AVL9: variants seen among roughly 807,000 people sequenced by gnomAD.
The protein encoded by AVL9 is late secretory pathway protein AVL9 homolog.
A neutral mutation model predicts 79.2 loss-of-function variants in AVL9; 49 were observed. The ratio of observed to expected loss-of-function variants is 0.62; its 90% CI spans 0.49 to 0.79. AVL9 has a LOEUF of 0.79. AVL9 is among the 30% of genes least tolerant of loss of function. AVL9 has a pLI of 0.00. For missense variants in AVL9, 682 were observed against 776.8 expected (o/e 0.88, Z 1.45); for synonymous variants, 299 against 280.6 (o/e 1.07, Z -0.65).
intron 3 of AVL9, among the ~76,000 whole-genome samples, chr7:32,546,166 G>T (rs776595140): frequency 2.4e-4 from 35 of 148,040 alleles, no homozygotes; most frequent in Non-Finnish European, 3.8e-4. Context: ...AGTTTTAAAA[G>T]CTTCCTCGGG....
chr7:32,571,006 G>C (rs1352509847), intron 11 of AVL9, among the ~76,000 whole-genome samples: 2 of 145,360 alleles, frequency 1.4e-5, no homozygotes, highest in Admixed American at 6.9e-5. Context: ...GAGGTGGGTA[G>C]ATCACCTGAG....
chr7:32,552,722 G>T (rs1340458959), intron 6 of AVL9, among the ~76,000 whole-genome samples: 1 of 151,778 alleles, frequency 6.6e-6, no homozygotes, highest in Non-Finnish European at 1.5e-5. Flanking sequence ...GGTATTTTTT[G>T]TTTGTTTGTT....
intron 1 of AVL9, among the ~76,000 whole-genome samples, chr7:32,514,840 C>T (rs192356758): frequency 0.011 from 1,649 of 152,298 alleles, 34 homozygotes; most frequent in African/African-American, 0.038. Context: ...CACTGACTCT[C>T]TTTTCGGACT....
intron 8 of AVL9, among the ~76,000 whole-genome samples, chr7:32,556,280 T>C (rs1481714289): frequency 1.3e-5 from 2 of 152,128 alleles, no homozygotes; most frequent in Non-Finnish European, 2.9e-5. Context: ...TTTGGGAGGC[T>C]AAGGTGGGTG....
chr7:32,502,699 A>T (rs546724613), intron 1 of AVL9, among the ~76,000 whole-genome samples: 1 of 152,212 alleles, frequency 6.6e-6, no homozygotes, highest in East Asian at 1.9e-4. Flanking sequence ...TGAAGTTTGT[A>T]TTAAAATGGA....
At chr7:32,509,552 A>G (rs1787563210) in intron 1 of AVL9, among the ~76,000 whole-genome samples, 1 of 152,142 alleles carries the variant, frequency 6.6e-6, no homozygotes, top group South Asian at 2.1e-4. Context: ...AACCAGTTCC[A>G]AAGGTAGAGG....
chr7:32,525,450 A>G (rs1788361031), intron 1 of AVL9, among the ~76,000 whole-genome samples: 1 of 152,254 alleles, frequency 6.6e-6, no homozygotes, highest in African/African-American at 2.4e-5. Context: ...CAGGCAAAGT[A>G]TAATAAGCTT....
rs3213974 is a variant in AVL9 at position 32,551,633 on chromosome 7, A to G, written c.462+210A>G. Among the ~76,000 whole-genome samples, 60,420 of 96,460 alleles carry G rather than the reference A, an allele frequency of 0.63. 15,702 individuals carry two copies. The highest frequency in any genetic ancestry group is 0.7 in the Admixed American group (6,899 of 9,854). 63.3% of individuals were successfully genotyped at this position (96,460 alleles called of 152,430 possible). On this transcript the variant is annotated intron_variant, in intron 5 of 15. Coordinates refer to ENST00000318709, the MANE Select transcript of AVL9 (RefSeq NM_015060.3). ...TTTTTTTTTTTTTTTTTAGGAAATA[A>G]TGACTACAAATAACTATAACTAACA...
chr7:32,496,057 T>C (rs1345064513), intron 1 of AVL9, among the ~76,000 whole-genome samples: 2 of 151,944 alleles, frequency 1.3e-5, no homozygotes, highest in Non-Finnish European at 2.9e-5. Context: ...GTGTAGGTTG[T>C]AGGTTTTTAA....
chr7:32,570,760 C>T (rs1488280526), intron 11 of AVL9, among the ~76,000 whole-genome samples: 2 of 151,218 alleles, frequency 1.3e-5, no homozygotes, highest in Admixed American at 1.3e-4. Context: ...GGTTGGATTA[C>T]AAGTGCCCGC....
rs531033609 is a variant in AVL9, at chr7:32,562,691, G to A, written c.1215+3227G>A. ...TCCCAGCACTTTGGGAGGCCGAGGT[G>A]GGGAGGATTGCTTGAAACCAGGATC... is the stretch of plus-strand genomic sequence containing the variant. On this transcript the variant is annotated intron_variant, in intron 10 of 15. Coordinates refer to ENST00000318709, the MANE Select transcript of AVL9 (RefSeq NM_015060.3). The A allele has an allele frequency of 3.5e-5, 29 of 831,576 alleles. No individual in the cohort carries two copies. In the South Asian group the frequency reaches 1.2e-3, roughly 35 times the overall value. 51.5% of individuals were successfully genotyped at this position (831,576 alleles called of 1,614,324 possible).
At chr7:32,511,134 G>A (rs1043901298) in intron 1 of AVL9, among the ~76,000 whole-genome samples, 13 of 134,664 alleles carry the variant, frequency 9.7e-5, no homozygotes, top group Admixed American at 3.0e-4. Flanking sequence ...TTTGTGAGCC[G>A]TCAGGTCTGG....
In AVL9 at chr7:32,570,060, ATCT is replaced by A. The variant is rs748718191; in HGVS notation, c.1260_1262del (p.Leu421del). 2.5e-5 allele frequency: 41 copies of A among 1,614,204 alleles called. No homozygotes were observed. The highest frequency in any genetic ancestry group is 3.5e-5 in the Non-Finnish European group (41 of 1,180,020). On this transcript the variant is annotated inframe_deletion, in exon 11 of 16. Transcript: ENST00000318709. ...CCTTACATGGCATTGCAGCAGCATC[ATCT>A]TCTCTCCGATGTCACCGTTCGGGGG... is the stretch of plus-strand genomic sequence containing the variant.
chr7:32,523,683 GTATTAT>G (rs915546155), intron 1 of AVL9, among the ~76,000 whole-genome samples: 5 of 147,138 alleles, frequency 3.4e-5, no homozygotes, highest in Non-Finnish European at 7.5e-5. Context: ...ACCTGCCTAA[GTATTAT>G]TATTATTATT....
rs35287763 is a variant in AVL9 at position 32,571,229 on chromosome 7, CAAAAAAA to C, written c.1350+1088_1350+1094del. On this transcript the variant is annotated intron_variant, in intron 11 of 15. Coordinates refer to ENST00000318709, the MANE Select transcript of AVL9 (RefSeq NM_015060.3). ...CCTGGGTGACAGAGTGACCCTGTCT[CAAAAAAA>C]AAAAAAAAAAAAGCCAGCTGCAGTG... Among the ~76,000 whole-genome samples the C allele has an allele frequency of 7.7e-4, 50 of 65,112 alleles. No homozygotes were observed. In the Admixed American group the frequency reaches 8.2e-3, roughly 11 times the overall value. The allele number at this position is 65,112 out of a possible 152,430, so 42.7% of individuals were successfully genotyped here.
intron 1 of AVL9, among the ~76,000 whole-genome samples, chr7:32,525,077 G>A (rs2128125786): frequency 6.6e-6 from 1 of 152,322 alleles, no homozygotes; most frequent in Non-Finnish European, 1.5e-5. Flanking sequence ...CTCATGAGCT[G>A]TTTGGCTCGT....
intron 1 of AVL9, among the ~76,000 whole-genome samples, chr7:32,515,318 A>G (rs1332419600): frequency 6.6e-6 from 1 of 152,222 alleles, no homozygotes; most frequent in Non-Finnish European, 1.5e-5. Flanking sequence ...TCAACCTCTG[A>G]CAAATCTATT....
At chr7:32,571,653 T>C (rs1790850398) in intron 11 of AVL9, among the ~76,000 whole-genome samples, 1 of 141,658 alleles carries the variant, frequency 7.1e-6, no homozygotes, top group Non-Finnish European at 1.5e-5. Flanking sequence ...CAAAGATGTA[T>C]TTATTATAAT....
chr7:32,525,215 A>G (rs1185968971), intron 1 of AVL9, among the ~76,000 whole-genome samples: 2 of 152,220 alleles, frequency 1.3e-5, no homozygotes, highest in African/African-American at 4.8e-5. Flanking sequence ...TATTTTTGTA[A>G]GCAAAATTAC....
Sources: allele counts gnomAD v4.1 joint callset (sites outside exome capture counted in the v4.1 genomes callset), GRCh38; gene constraint gnomAD v4.1.1; transcripts MANE v1.5; gene names NCBI Gene and HGNC (gene_info 2026-07-23, HGNC 2026-07-21).